FMN2: variants seen among roughly 807,000 people sequenced by gnomAD.
FMN2 encodes formin 2.
In FMN2, 51 loss-of-function variants were observed where a neutral mutation model predicts 142.3. That is an observed-to-expected ratio of 0.36 (90% confidence interval 0.29 to 0.45). The LOEUF (loss-of-function observed/expected upper bound fraction) is 0.45. FMN2 is among the 20% of genes least tolerant of loss of function. The pLI, the probability that FMN2 is intolerant of heterozygous loss-of-function variation, is 1.00. For synonymous variants in FMN2, 882 were observed against 869.8 expected, an observed-to-expected ratio of 1.01 and a Z score of -0.25; for missense variants, 1,936 against 2,122.8, an observed-to-expected ratio of 0.91 and a Z score of 1.73.
intron 4 of FMN2, among the ~76,000 whole-genome samples, chr1:240,192,524 T>A (rs975438663): frequency 4.6e-5 from 7 of 152,004 alleles, no homozygotes; most frequent in Non-Finnish European, 7.4e-5. Context: ...AACAAAACAA[T>A]AACCCACAAG....
At chr1:240,151,183 C>A (rs767010948) in intron 2 of FMN2, among the ~76,000 whole-genome samples, 1 of 152,134 alleles carries the variant, frequency 6.6e-6, no homozygotes, top group African/African-American at 2.4e-5. Context: ...AAGCACTGCA[C>A]GTGAAGGCCT....
At chr1:240,355,307 C>A (rs1274546009) in intron 13 of FMN2, among the ~76,000 whole-genome samples, 1 of 152,054 alleles carries the variant, frequency 6.6e-6, no homozygotes, top group African/African-American at 2.4e-5. Context: ...CTAACATTAC[C>A]ACCCATGTTA....
rs377329784 is a variant in FMN2 at position 240,332,223 on chromosome 1, T to C, written c.4584+1474T>C. 9.9e-5 allele frequency among the ~76,000 whole-genome samples: 15 copies of C among 151,804 alleles called. No individual in the cohort carries two copies. In the East Asian group the frequency reaches 1.6e-3, roughly 16 times the overall value. ...CTCATGTGTATGATACACATTTTCA[T>C]AGAAGTATCTACTATAGAGAGCTGA... On this transcript the variant is annotated intron_variant, in intron 11 of 17. Coordinates refer to ENST00000319653, the MANE Select transcript of FMN2 (RefSeq NM_020066.5).
At chr1:240,190,814 G>A (rs1204097225) in intron 4 of FMN2, among the ~76,000 whole-genome samples, 3 of 152,086 alleles carry the variant, frequency 2.0e-5, no homozygotes, top group African/African-American at 7.2e-5. Context: ...ACATTATAGA[G>A]GCAAATAGGT....
At chr1:240,124,150 C>T (rs924275990) in intron 2 of FMN2, among the ~76,000 whole-genome samples, 12 of 152,104 alleles carry the variant, frequency 7.9e-5, no homozygotes, top group Non-Finnish European at 1.6e-4. Flanking sequence ...TGAATAATGC[C>T]GCTATGAACA....
chr1:240,123,156 T>A lies in FMN2; in HGVS notation c.1616-23T>A, dbSNP rs773147427. ...CCAGGTGATCGGCAGTGCTCGCTCTTAATGACTGTGTTTCATCTGCAGGGC... is the reference window on the plus strand; with the variant it reads ...CCAGGTGATCGGCAGTGCTCGCTCTAAATGACTGTGTTTCATCTGCAGGGC... On this transcript the variant is annotated intron_variant, in intron 1 of 17. Coordinates refer to ENST00000319653, the MANE Select transcript of FMN2 (RefSeq NM_020066.5). 8 of 1,613,656 alleles carry A rather than the reference T, an allele frequency of 5.0e-6. No homozygotes were observed. In the Admixed American group the frequency reaches 1.3e-4, roughly 27 times the overall value.
intron 15 of FMN2, among the ~76,000 whole-genome samples, chr1:240,401,941 C>T (rs1435220976): frequency 1.3e-5 from 2 of 152,200 alleles, no homozygotes; most frequent in African/African-American, 2.4e-5. Flanking sequence ...GGAATATAAC[C>T]TCACCCTTTC....
At chr1:240,367,767 C>CAAAAAAAA (rs60368715) in intron 14 of FMN2, among the ~76,000 whole-genome samples, 2 of 54,040 alleles carry the variant, frequency 3.7e-5, no homozygotes, top group African/African-American at 4.9e-5. Flanking sequence ...GACTCAGTCT[C>CAAAAAAAA]AAAAAAAAAA....
intron 6 of FMN2, among the ~76,000 whole-genome samples, chr1:240,217,010 G>T (rs1239455683): frequency 6.6e-6 from 1 of 152,096 alleles, no homozygotes; most frequent in Non-Finnish European, 1.5e-5. Context: ...TCATCATTCA[G>T]CTGCTCTTAT....
rs1330427193 is a variant in FMN2 at position 240,294,850 on chromosome 1, T to C, written c.4182T>C (p.Val1394=). ...HAVVNLDNSV[V]DLETLQALYE... is the part of the protein sequence containing the mutation. Reference sequence around the variant, plus strand: ...TTGTGAACTTGGATAATTCTGTGGTTGACCTGGAGACCCTTCAAGCTCTCT... The same window carrying C: ...TTGTGAACTTGGATAATTCTGTGGTCGACCTGGAGACCCTTCAAGCTCTCT... Residue 1394 remains valine (V), a synonymous_variant, in exon 8 of 18, where the codon GTT becomes GTC. Coordinates refer to ENST00000319653, the MANE Select transcript of FMN2 (RefSeq NM_020066.5). The C allele has an allele frequency of 6.2e-7, 1 of 1,613,956 alleles. No homozygotes were observed. The highest frequency in any genetic ancestry group is 2.2e-5 in the East Asian group (1 of 44,882).
chr1:240,415,860 T>C (rs2103132808), intron 15 of FMN2, among the ~76,000 whole-genome samples: 1 of 152,308 alleles, frequency 6.6e-6, no homozygotes, highest in South Asian at 2.1e-4. Context: ...CACTGCCAGC[T>C]TCGATGAGAA....
chr1:240,284,956 CT>C (rs761156064), intron 7 of FMN2, among the ~76,000 whole-genome samples: 1 of 152,096 alleles, frequency 6.6e-6, no homozygotes. Flanking sequence ...TCAACCTTTT[CT>C]TTCCTGTTAT....
chr1:240,408,402 A>G (rs929484655), intron 15 of FMN2, among the ~76,000 whole-genome samples: 11 of 152,174 alleles, frequency 7.2e-5, no homozygotes, highest in Non-Finnish European at 1.3e-4. Flanking sequence ...GAGATTAGAA[A>G]ATAATTTCAA....
At position 240,415,525 on chromosome 1, in the gene FMN2, T is replaced by TATA. The variant is rs202218606; in HGVS notation, c.4911-22531_4911-22529dup. Among the ~76,000 whole-genome samples, 17 of 59,890 alleles carry TATA rather than the reference T, an allele frequency of 2.8e-4. No individual in the cohort carries two copies. In the East Asian group the frequency reaches 4.2e-3, roughly 15 times the overall value. The allele number at this position is 59,890 out of a possible 152,430, so 39.3% of individuals were successfully genotyped here. A position where few individuals can be genotyped will look rare whatever the true frequency, so the allele number is the denominator to read the frequency against. ...TGCACATGTACCCCAGAACTTTAAG[T>TATA]ATAATAAAAAAAAAAAAAATTGAAG... On this transcript the variant is annotated intron_variant, in intron 15 of 17. Transcript: ENST00000319653.
intron 13 of FMN2, among the ~76,000 whole-genome samples, chr1:240,342,094 T>G (rs551239693): frequency 3.5e-4 from 54 of 152,334 alleles, no homozygotes; most frequent in Admixed American, 1.4e-3. Flanking sequence ...CATAGTTCGA[T>G]GACTTCTACT....
At chr1:240,142,654 C>T (rs1663238084) in intron 2 of FMN2, 1 of 1,600,662 alleles carries the variant, frequency 6.2e-7, no homozygotes, top group African/African-American at 1.3e-5. Context: ...AGTTCAGAGC[C>T]CCTGGTGGTC....
intron 7 of FMN2, among the ~76,000 whole-genome samples, chr1:240,271,827 A>G (rs562363703): frequency 5.4e-4 from 82 of 152,262 alleles, no homozygotes; most frequent in Admixed American, 5.2e-4. Flanking sequence ...AAAAAGAAAT[A>G]CCTCATATGT....
At chr1:240,428,675 A>C (rs1190686168) in intron 15 of FMN2, among the ~76,000 whole-genome samples, 1 of 152,194 alleles carries the variant, frequency 6.6e-6, no homozygotes, top group Non-Finnish European at 1.5e-5. Flanking sequence ...CTGGATCTTT[A>C]ATACATTGTG....
chr1:240,146,712 A>G (rs942584797), intron 2 of FMN2, among the ~76,000 whole-genome samples: 3 of 152,182 alleles, frequency 2.0e-5, no homozygotes, highest in African/African-American at 7.2e-5. Context: ...AAAATAGTAT[A>G]TAGTGAAGAG....
Sources: allele counts gnomAD v4.1 joint callset (sites outside exome capture counted in the v4.1 genomes callset), GRCh38; gene constraint gnomAD v4.1.1; transcripts MANE v1.5; gene names NCBI Gene and HGNC (gene_info 2026-07-23, HGNC 2026-07-21).